Variants in TMEM117 observed in about 807,000 individuals in gnomAD.
TMEM117 encodes the protein transmembrane protein 117.
TMEM117 carries 27 observed loss-of-function variants against 52.4 expected under a neutral mutation model. The ratio of observed to expected loss-of-function variants is 0.51; its 90% CI spans 0.38 to 0.71. The LOEUF is 0.71. TMEM117 is among the 30% of genes least tolerant of loss of function. The probability of loss-of-function intolerance (pLI) is 0.00; values close to 1 mark genes in which losing one functional copy is unlikely to be tolerated. For synonymous variants in TMEM117, 215 were observed against 206.3 expected, an observed-to-expected ratio of 1.04 and a Z score of -0.36; for missense variants, 556 against 630.5, an observed-to-expected ratio of 0.88 and a Z score of 1.26.
At chr12:43,880,152 G>A (rs1199932109) in intron 2 of TMEM117, among the ~76,000 whole-genome samples, 1 of 152,096 alleles carries the variant, frequency 6.6e-6, no homozygotes, top group Non-Finnish European at 1.5e-5. Context: ...AATAATGCCT[G>A]TCCTCAATTC....
intron 5 of TMEM117, among the ~76,000 whole-genome samples, chr12:44,261,606 G>T (rs1950321650): frequency 6.6e-6 from 1 of 152,068 alleles, no homozygotes; most frequent in Non-Finnish European, 1.5e-5. Context: ...AAAAAATAAA[G>T]CTTAAGGAAA....
chr12:43,993,384 A>G (rs1296057214), intron 3 of TMEM117, among the ~76,000 whole-genome samples: 1 of 152,186 alleles, frequency 6.6e-6, no homozygotes, highest in African/African-American at 2.4e-5. Flanking sequence ...TACACTTATC[A>G]TTATCACTTG....
intron 6 of TMEM117, among the ~76,000 whole-genome samples, chr12:44,346,584 C>G (rs553292845): frequency 6.6e-6 from 1 of 152,258 alleles, no homozygotes; most frequent in South Asian, 2.1e-4. Context: ...CTTGCACATA[C>G]TGTGCGATCC....
chr12:43,939,225 T>A (rs1473438973), intron 2 of TMEM117, among the ~76,000 whole-genome samples: 1 of 152,184 alleles, frequency 6.6e-6, no homozygotes, highest in Admixed American at 6.5e-5. Flanking sequence ...TAGCTGCAGA[T>A]TCTATTTGTT....
intron 5 of TMEM117, among the ~76,000 whole-genome samples, chr12:44,228,565 AGCAAT>A (rs1949893030): frequency 1.3e-5 from 2 of 152,178 alleles, no homozygotes; most frequent in African/African-American, 4.8e-5. Context: ...AAGAAGATAA[AGCAAT>A]GTGGTGATCT....
chr12:43,946,378 G>GTTTTTTTTTTTTTT (rs1244597058), intron 3 of TMEM117, among the ~76,000 whole-genome samples: 4 of 113,492 alleles, frequency 3.5e-5, no homozygotes, highest in Non-Finnish European at 3.5e-5. Context: ...ATATAATTCT[G>GTTTTTTTTTTTTTT]TTTTTTTTTT....
intron 5 of TMEM117, among the ~76,000 whole-genome samples, chr12:44,233,222 CAG>C (rs548107556): frequency 1.4e-4 from 21 of 151,298 alleles, no homozygotes; most frequent in African/African-American, 4.1e-4. Context: ...ATGATGTTTG[CAG>C]AGAGTTCATA....
At chr12:43,936,040 C>T (rs1237742780) in intron 2 of TMEM117, among the ~76,000 whole-genome samples, 1 of 151,612 alleles carries the variant, frequency 6.6e-6, no homozygotes. Flanking sequence ...TGTTAGGGAG[C>T]TTGGATTTTA....
chr12:44,299,455 G>T, intron 5 of TMEM117, 125 bp from the exon 6 acceptor site: 4 of 1,265,694 alleles, frequency 3.2e-6, no homozygotes, highest in Non-Finnish European at 4.3e-6. Context: ...CTTCCTTTTG[G>T]CTAATATACC....
intron 3 of TMEM117, among the ~76,000 whole-genome samples, chr12:44,138,123 A>G (rs1346873960): frequency 1.3e-5 from 2 of 152,128 alleles, no homozygotes; most frequent in Non-Finnish European, 2.9e-5. Flanking sequence ...GTGGGTTGCA[A>G]GCTTAATCTT....
At chr12:43,900,582 G>A (rs1343858975) in intron 2 of TMEM117, among the ~76,000 whole-genome samples, 3 of 152,028 alleles carry the variant, frequency 2.0e-5, no homozygotes, top group African/African-American at 7.2e-5. Flanking sequence ...GCCAGGTGTG[G>A]TTGCACATGC....
intron 4 of TMEM117, among the ~76,000 whole-genome samples, chr12:44,189,045 T>A (rs780270713): frequency 1.3e-5 from 2 of 152,168 alleles, no homozygotes; most frequent in Non-Finnish European, 2.9e-5. Flanking sequence ...CCTTAAATAT[T>A]TATCTTTTCT....
chr12:44,063,000 T>G (rs1214865048), intron 3 of TMEM117, among the ~76,000 whole-genome samples: 1 of 152,202 alleles, frequency 6.6e-6, no homozygotes, highest in Non-Finnish European at 1.5e-5. Flanking sequence ...ACTCTCGGCC[T>G]CATGGGTGAA....
intron 4 of TMEM117, among the ~76,000 whole-genome samples, chr12:44,157,557 A>G (rs566423125): frequency 6.6e-6 from 1 of 152,194 alleles, no homozygotes; most frequent in Admixed American, 6.6e-5. Flanking sequence ...TATAATCACT[A>G]TTTTACATAG....
intron 3 of TMEM117, among the ~76,000 whole-genome samples, chr12:44,128,895 A>G (rs1014280110): frequency 4.6e-5 from 7 of 152,198 alleles, no homozygotes; most frequent in African/African-American, 1.4e-4. Context: ...AAGGAATCCA[A>G]TATCCCTTTT....
chr12:44,005,131 G>A (rs1327953739), intron 3 of TMEM117, among the ~76,000 whole-genome samples: 1 of 152,178 alleles, frequency 6.6e-6, no homozygotes, highest in Non-Finnish European at 1.5e-5. Context: ...GCCCTAGGAG[G>A]TAGGAATTAT....
In TMEM117 at chr12:43,961,443, G is replaced by A. The variant is rs149918623; in HGVS notation, c.410+17101G>A. On this transcript the variant is annotated intron_variant, in intron 3 of 7. Transcript: ENST00000266534. ...ATAAATAGGAAAGTCTTATGCCATA[G>A]TACTTAATGTGTAATCTTAAAGATA... Among the ~76,000 whole-genome samples, 1,067 of 152,214 alleles carry A rather than the reference G, an allele frequency of 7.0e-3. 11 individuals carry two copies. The highest frequency in any genetic ancestry group is 0.023 in the African/African-American group (964 of 41,530).
In TMEM117 at chr12:44,283,072, G is replaced by A. The variant is rs542268889; in HGVS notation, c.609-16508G>A. ...GGGTACACAGAAGTCAAGAATTGAGGTTTGGGAAACTCCGCCTAGATTTCA... is the reference window on the plus strand; with the variant it reads ...GGGTACACAGAAGTCAAGAATTGAGATTTGGGAAACTCCGCCTAGATTTCA... On this transcript the variant is annotated intron_variant, in intron 5 of 7. Coordinates refer to ENST00000266534, the MANE Select transcript of TMEM117 (RefSeq NM_032256.3). 3.9e-5 allele frequency among the ~76,000 whole-genome samples: 6 copies of A among 152,374 alleles called. No homozygotes were observed. The South Asian group carries it at 1.2e-3, about 32-fold the overall frequency.
chr12:44,203,855 G>T (rs1949529611), intron 4 of TMEM117, among the ~76,000 whole-genome samples: 1 of 152,114 alleles, frequency 6.6e-6, no homozygotes, highest in African/African-American at 2.4e-5. Flanking sequence ...GTTGAGAATA[G>T]CTTTATGGCC....
Sources: gnomAD v4.1 joint callset for allele counts (sites outside exome capture counted in the v4.1 genomes callset) on GRCh38, gnomAD v4.1.1 for gene constraint, MANE v1.5 for transcripts, NCBI Gene and HGNC (gene_info 2026-07-23, HGNC 2026-07-21) for gene names.